The following GDPD4 variants were observed in gnomAD, a reference collection of about 807,000 sequenced individuals.
The protein encoded by GDPD4 is glycerophosphodiester phosphodiesterase domain containing 4.
GDPD4 carries 60 observed loss-of-function variants against 67.8 expected under a neutral mutation model. That is an observed-to-expected ratio of 0.88 (90% CI 0.72 to 1.10). The LOEUF is 1.10. Among genes scored for constraint, GDPD4 ranks in the 50% least tolerant of loss-of-function variants. GDPD4 has a pLI of 0.00. For synonymous variants in GDPD4, 212 were observed against 210.9 expected (o/e 1.00, Z -0.04); for missense variants, 623 against 613.9 (o/e 1.01, Z -0.16).
chr11:77,253,329 T>C (rs1237266999), intron 11 of GDPD4, among the ~76,000 whole-genome samples: 1 of 152,166 alleles, frequency 6.6e-6, no homozygotes, highest in Non-Finnish European at 1.5e-5. Flanking sequence ...CACCATGTAG[T>C]GGCAACACTA....
At chr11:77,241,409 A>G (rs999137756) in intron 13 of GDPD4, among the ~76,000 whole-genome samples, 2 of 152,070 alleles carry the variant, frequency 1.3e-5, no homozygotes, top group African/African-American at 4.8e-5. Context: ...GGTGGCTCAC[A>G]CCTATAATTC....
intron 10 of GDPD4, among the ~76,000 whole-genome samples, chr11:77,265,785 A>C (rs147661908): frequency 0.012 from 1,829 of 152,262 alleles, 33 homozygotes; most frequent in African/African-American, 0.042. Flanking sequence ...ATACAAGAAG[A>C]GTTTTGTGTT....
chr11:77,257,596 CT>C (rs1190806434), intron 11 of GDPD4, among the ~76,000 whole-genome samples: 1 of 147,718 alleles, frequency 6.8e-6, no homozygotes, highest in African/African-American at 2.5e-5. Flanking sequence ...CACACACACC[CT>C]GTTGCTCCAG....
intron 11 of GDPD4, among the ~76,000 whole-genome samples, chr11:77,252,404 A>G (rs1275205633): frequency 6.6e-6 from 1 of 152,102 alleles, no homozygotes; most frequent in Non-Finnish European, 1.5e-5. Flanking sequence ...TGAATTTATC[A>G]TTGACATAAT....
At chr11:77,246,535 A>G (rs1958788437) in intron 11 of GDPD4, among the ~76,000 whole-genome samples, 1 of 152,248 alleles carries the variant, frequency 6.6e-6, no homozygotes, top group Admixed American at 6.5e-5. Flanking sequence ...CTGGCTCACT[A>G]TGCTTCTTGC....
intron 10 of GDPD4, among the ~76,000 whole-genome samples, chr11:77,260,529 TACTAGAGATATAA>T (rs1400425404): frequency 6.6e-6 from 1 of 151,952 alleles, no homozygotes; most frequent in Non-Finnish European, 1.5e-5. Flanking sequence ...AATCAAAACT[TACTAGAGATATAA>T]ACAAGCAGGA....
chr11:77,279,657 G>A (rs1005239870), intron 3 of GDPD4, among the ~76,000 whole-genome samples: 4 of 151,848 alleles, frequency 2.6e-5, no homozygotes, highest in Non-Finnish European at 5.9e-5. Context: ...TAAAAATTAC[G>A]TCCTCTTTTA....
chr11:77,286,799 A>C (rs1960013888), intron 2 of GDPD4: 1 of 152,224 alleles, frequency 6.6e-6, no homozygotes, highest in Non-Finnish European at 1.5e-5. Context: ...ATAATAAAGG[A>C]GCACCTTGTT....
chr11:77,293,736 A>G (rs989705649), intron 1 of GDPD4, among the ~76,000 whole-genome samples: 3 of 152,216 alleles, frequency 2.0e-5, no homozygotes, highest in Admixed American at 6.5e-5. Context: ...AGAATGGCGA[A>G]TATTATGCCT....
Position 77,268,618 on chromosome 11 carries a change from C to T in GDPD4, c.625-79G>A. ...TTCCTTTTGTGGTAGGGGTAGAGCCCAGTAGGATTTTGGGGAGCAGAGCTT... is the reference window on the plus strand; with the variant it reads ...TTCCTTTTGTGGTAGGGGTAGAGCCTAGTAGGATTTTGGGGAGCAGAGCTT... On this transcript the variant is annotated intron_variant, in intron 9 of 16. Coordinates refer to ENST00000315938, the MANE Select transcript of GDPD4 (RefSeq NM_182833.3). 3 of 1,157,570 alleles carry T rather than the reference C, an allele frequency of 2.6e-6. No individual in the cohort carries two copies. In the South Asian group the frequency reaches 3.8e-5, roughly 15 times the overall value. 71.7% of individuals were successfully genotyped at this position (1,157,570 alleles called of 1,614,324 possible). A position where few individuals can be genotyped will look rare whatever the true frequency, so the allele number is the denominator to read the frequency against.
intron 1 of GDPD4, among the ~76,000 whole-genome samples, chr11:77,297,068 A>C (rs1937996270): frequency 6.8e-6 from 1 of 146,574 alleles, no homozygotes; most frequent in African/African-American, 2.7e-5. Flanking sequence ...AACAAAAAAA[A>C]AAAAACAAAA....
intron 1 of GDPD4, among the ~76,000 whole-genome samples, chr11:77,294,620 C>CT (rs1565548670): frequency 6.6e-6 from 1 of 151,884 alleles, no homozygotes; most frequent in Admixed American, 6.6e-5. Context: ...TCTCTGAGGA[C>CT]TTTTTTTGTA....
intron 10 of GDPD4, among the ~76,000 whole-genome samples, chr11:77,260,109 C>T (rs1457902047): frequency 6.6e-6 from 1 of 152,084 alleles, no homozygotes; most frequent in African/African-American, 2.4e-5. Context: ...GAGATCAAGA[C>T]CATCCTGGCC....
At chr11:77,255,198 T>A (rs1053134728) in intron 11 of GDPD4, among the ~76,000 whole-genome samples, 3 of 152,056 alleles carry the variant, frequency 2.0e-5, no homozygotes, top group Non-Finnish European at 4.4e-5. Context: ...GTCACTGCAA[T>A]AACAGATCCA....
intron 13 of GDPD4, among the ~76,000 whole-genome samples, chr11:77,243,093 A>T (rs1958704430): frequency 6.6e-6 from 1 of 152,226 alleles, no homozygotes; most frequent in Non-Finnish European, 1.5e-5. Flanking sequence ...TATGGATTAA[A>T]TTAAGCATGT....
intron 1 of GDPD4, among the ~76,000 whole-genome samples, chr11:77,297,149 ACTT>A (rs1465248069): frequency 1.3e-5 from 2 of 152,096 alleles, no homozygotes; most frequent in Non-Finnish European, 2.9e-5. Context: ...ACTTTCAAAT[ACTT>A]CATCTAAAAG....
intron 1 of GDPD4, among the ~76,000 whole-genome samples, chr11:77,298,249 C>T (rs928267461): frequency 2.6e-5 from 4 of 152,210 alleles, no homozygotes; most frequent in African/African-American, 4.8e-5. Context: ...CGCTGACTCA[C>T]GCTTGTAATC....
At chr11:77,218,561 T>C (rs1958169909) in intron 16 of GDPD4, among the ~76,000 whole-genome samples, 1 of 152,108 alleles carries the variant, frequency 6.6e-6, no homozygotes, top group African/African-American at 2.4e-5. Context: ...CACGACAGGC[T>C]GTGGTGTGTG....
intron 1 of GDPD4, among the ~76,000 whole-genome samples, chr11:77,298,115 AAG>A (rs1938038672): frequency 6.6e-6 from 1 of 152,096 alleles, no homozygotes; most frequent in Admixed American, 6.5e-5. Flanking sequence ...TAAAAAAAAA[AAG>A]ATTGAAATAA....
Sources: allele counts gnomAD v4.1 joint callset (sites outside exome capture counted in the v4.1 genomes callset), GRCh38; gene constraint gnomAD v4.1.1; transcripts MANE v1.5; gene names NCBI Gene and HGNC (gene_info 2026-07-23, HGNC 2026-07-21).